Variants in TMEM132C observed in about 807,000 individuals in gnomAD.
TMEM132C encodes the protein protein phosphatase 1, regulatory subunit 152.
Under a neutral mutation model 61.4 loss-of-function variants are expected in TMEM132C, and 29 were observed. That is an observed-to-expected ratio of 0.47 (90% confidence interval 0.35 to 0.64). The LOEUF is 0.64. Ranked by LOEUF, TMEM132C falls within the 30% of genes least tolerant of loss-of-function variation. TMEM132C has a pLI of 0.00. For synonymous variants in TMEM132C, 656 were observed against 633.1 expected, an observed-to-expected ratio of 1.04 and a Z score of -0.54; for missense variants, 1,408 against 1,476.9, an observed-to-expected ratio of 0.95 and a Z score of 0.76.
intron 2 of TMEM132C, among the ~76,000 whole-genome samples, chr12:128,528,870 A>G (rs1873184456): frequency 6.6e-6 from 1 of 152,154 alleles, no homozygotes; most frequent in Non-Finnish European, 1.5e-5. Flanking sequence ...ACCCCTGAAG[A>G]GCTGTGTATT....
chr12:128,330,815 A>C (rs770107437), intron 1 of TMEM132C, among the ~76,000 whole-genome samples: 21 of 152,236 alleles, frequency 1.4e-4, no homozygotes, highest in Non-Finnish European at 2.9e-4. Context: ...GACTATGAAA[A>C]GAAGCTGTTA....
chr12:128,643,168 G>A (rs1954170686), intron 4 of TMEM132C, among the ~76,000 whole-genome samples: 1 of 152,146 alleles, frequency 6.6e-6, no homozygotes, highest in South Asian at 2.1e-4. Flanking sequence ...TGTCCAATAT[G>A]TCAGTAACAC....
chr12:128,507,398 C>CTTTTTTTTTTTT (rs1872404501), intron 2 of TMEM132C, among the ~76,000 whole-genome samples: 2 of 106,528 alleles, frequency 1.9e-5, no homozygotes, highest in Non-Finnish European at 3.7e-5. Context: ...TTTTTTTTTT[C>CTTTTTTTTTTTT]TTTCTTTTTT....
At chr12:128,504,216 A>G (rs990572433) in intron 2 of TMEM132C, among the ~76,000 whole-genome samples, 5 of 152,130 alleles carry the variant, frequency 3.3e-5, no homozygotes, top group African/African-American at 1.2e-4. Flanking sequence ...GAACCTGAAT[A>G]ACCATTGATG....
intron 1 of TMEM132C, among the ~76,000 whole-genome samples, chr12:128,269,960 T>C (rs1466992701): frequency 6.6e-6 from 1 of 152,228 alleles, no homozygotes. Context: ...TTGCAATTTG[T>C]CAGGGTTCGG....
At chr12:128,586,045 TTTATG>T (rs1432000476) in intron 3 of TMEM132C, among the ~76,000 whole-genome samples, 3 of 152,206 alleles carry the variant, frequency 2.0e-5, no homozygotes, top group Non-Finnish European at 4.4e-5. Context: ...GATCGCAAAT[TTTATG>T]TTATGTGCAC....
chr12:128,670,770 G>T (rs1954524554), intron 5 of TMEM132C, among the ~76,000 whole-genome samples: 1 of 152,144 alleles, frequency 6.6e-6, no homozygotes, highest in Admixed American at 6.5e-5. Context: ...GTGGTAAATT[G>T]GTTCTGCCTA....
chr12:128,567,427 TAGACACACACAC>T (rs1308389627), intron 3 of TMEM132C, among the ~76,000 whole-genome samples: 5 of 114,258 alleles, frequency 4.4e-5, no homozygotes, highest in African/African-American at 1.8e-4. Flanking sequence ...CACATACCCA[TAGACACACACAC>T]ACACACACAC....
In TMEM132C at chr12:128,551,218, CT is replaced by C. The variant is rs1398881670; in HGVS notation, c.1121+7116del. 1.1e-3 allele frequency among the ~76,000 whole-genome samples: 160 copies of C among 142,818 alleles called. 3 individuals carry two copies. Among genetic ancestry groups the C allele is most frequent in the African/African-American group, 3.7e-3 (123 of 33,202 alleles). 93.7% of individuals were successfully genotyped at this position (142,818 alleles called of 152,430 possible). On this transcript the variant is annotated intron_variant, in intron 3 of 8. Coordinates refer to ENST00000435159, the MANE Select transcript of TMEM132C (RefSeq NM_001136103.3). ...TCTCAGAAACATAAGAGCCCCCCCC[CT>C]CCCGCTTCCTCCCCTGGTGAAATGT... is the stretch of plus-strand genomic sequence containing the variant.
chr12:128,456,495 G>A (rs1425202341), intron 2 of TMEM132C, among the ~76,000 whole-genome samples: 1 of 137,256 alleles, frequency 7.3e-6, no homozygotes, highest in African/African-American at 2.7e-5. Context: ...CAGCCTCAAT[G>A]TCCCAGGCTC....
intron 8 of TMEM132C, among the ~76,000 whole-genome samples, chr12:128,702,371 T>C (rs1954810221): frequency 6.6e-6 from 1 of 152,188 alleles, no homozygotes; most frequent in African/African-American, 2.4e-5. Context: ...AAATGTATTA[T>C]TATGAAATGT....
intron 8 of TMEM132C, among the ~76,000 whole-genome samples, chr12:128,700,795 G>A (rs1422886591): frequency 4.6e-5 from 7 of 152,206 alleles, no homozygotes; most frequent in Admixed American, 4.6e-4. Flanking sequence ...ATTGGATTGT[G>A]TGATTCATCA....
In TMEM132C at chr12:128,673,205, G is replaced by A. The variant is rs1043715549; in HGVS notation, c.1449+3645G>A. ...GTATTAGAGGTAGGGCCTTTAGGAG[G>A]TAATTAGGCTTCAATGAGGGTGGAG... On this transcript the variant is annotated intron_variant, in intron 5 of 8. Transcript: ENST00000435159. Among the ~76,000 whole-genome samples, 2 of 152,218 alleles carry A rather than the reference G, an allele frequency of 1.3e-5. 1 individual carries two copies. Among genetic ancestry groups the A allele is most frequent in the Admixed American group, 1.3e-4 (2 of 15,290 alleles).
intron 5 of TMEM132C, among the ~76,000 whole-genome samples, chr12:128,674,214 A>G (rs1954562375): frequency 6.6e-6 from 1 of 152,212 alleles, no homozygotes; most frequent in Non-Finnish European, 1.5e-5. Context: ...CATACAGTAC[A>G]TGGTCTTTTG....
At chr12:128,606,358 T>C (rs10734962) in intron 3 of TMEM132C, among the ~76,000 whole-genome samples, 100,808 of 152,124 alleles carry the variant, frequency 0.66, 33,510 homozygotes, top group South Asian at 0.73. Flanking sequence ...GGCTTTCACA[T>C]AGGAGGGGCC....
intron 2 of TMEM132C, among the ~76,000 whole-genome samples, chr12:128,539,057 C>T (rs1419792993): frequency 1.3e-5 from 2 of 152,154 alleles, no homozygotes; most frequent in Non-Finnish European, 2.9e-5. Context: ...TAAATGTCCT[C>T]AAGGAACACT....
intron 4 of TMEM132C, among the ~76,000 whole-genome samples, chr12:128,622,549 C>A (rs1953978685): frequency 6.6e-6 from 1 of 151,440 alleles, no homozygotes; most frequent in Non-Finnish European, 1.5e-5. Flanking sequence ...TGTTTTCCTG[C>A]ATCCTCTGCC....
intron 1 of TMEM132C, among the ~76,000 whole-genome samples, chr12:128,381,623 GA>G (rs1285995273): frequency 2.0e-5 from 3 of 152,198 alleles, no homozygotes; most frequent in Non-Finnish European, 4.4e-5. Context: ...TCTCCTGCGG[GA>G]ATCGCTGCTC....
intron 5 of TMEM132C, among the ~76,000 whole-genome samples, chr12:128,690,671 C>T (rs1254705606): frequency 6.6e-6 from 1 of 152,164 alleles, no homozygotes; most frequent in Admixed American, 6.5e-5. Context: ...CAGTGTTTAC[C>T]TGCTAATGAC....
Sources: allele counts gnomAD v4.1 joint callset (sites outside exome capture counted in the v4.1 genomes callset), GRCh38; gene constraint gnomAD v4.1.1; transcripts MANE v1.5; gene names NCBI Gene and HGNC (gene_info 2026-07-23, HGNC 2026-07-21).